Variants in TSC22D1 observed in about 807,000 individuals in gnomAD.
The protein encoded by TSC22D1 is TSC22 domain family protein 1.
TSC22D1 carries 9 observed loss-of-function variants against 74.2 expected under a neutral mutation model. The observed-to-expected ratio is 0.12, with a 90% confidence interval of 0.07 to 0.21. The LOEUF (loss-of-function observed/expected upper bound fraction) is 0.21, where lower values mean the gene tolerates loss of function less well. Among genes scored for constraint, TSC22D1 ranks in the 10% least tolerant of loss-of-function variants. The probability of loss-of-function intolerance (pLI) is 1.00; values close to 1 mark genes in which losing one functional copy is unlikely to be tolerated. For missense variants in TSC22D1, 1,427 were observed against 1,304.7 expected (o/e 1.09, Z -1.44); for synonymous variants, 586 against 492.5 (o/e 1.19, Z -2.51).
At chr13:44,540,214 G>C (rs1881384194) in intron 1 of TSC22D1, among the ~76,000 whole-genome samples, 1 of 152,006 alleles carries the variant, frequency 6.6e-6, no homozygotes, top group Non-Finnish European at 1.5e-5. Flanking sequence ...AATTATGACT[G>C]GAAACAAGAT....
chr13:44,434,184 C>T lies in TSC22D1; in HGVS notation c.*442G>A. 1 of 1,466,842 alleles carries T rather than the reference C, an allele frequency of 6.8e-7. No individual in the cohort carries two copies. Among genetic ancestry groups the T allele is most frequent in the Non-Finnish European group, 8.9e-7 (1 of 1,123,626 alleles). The allele number at this position is 1,466,842 out of a possible 1,614,324, so 90.9% of individuals were successfully genotyped here. A position where few individuals can be genotyped will look rare whatever the true frequency, so the allele number is the denominator to read the frequency against. ...CATTTTAGTCTTTTTACCCTCCTTT[C>T]AAGTTCCTCCTGGGGGGAGGAGAGG... is the stretch of plus-strand genomic sequence containing the variant. On this transcript the variant is annotated 3_prime_UTR_variant, in exon 3 of 3. Transcript: ENST00000458659.
At chr13:44,434,986 T>A in intron 2 of TSC22D1, 103 bp from the exon 3 acceptor site, 1 of 1,005,334 alleles carries the variant, frequency 9.9e-7, no homozygotes, top group South Asian at 1.6e-5. Flanking sequence ...ACTATTTACA[T>A]ATTCCACCTT....
intron 1 of TSC22D1, among the ~76,000 whole-genome samples, chr13:44,572,092 C>A (rs1883808779): frequency 6.6e-6 from 1 of 152,126 alleles, no homozygotes; most frequent in African/African-American, 2.4e-5. Context: ...AAATATCTTG[C>A]ACGCTTACTC....
chr13:44,536,892 G>C lies in TSC22D1; in HGVS notation c.2912+36271C>G, dbSNP rs201302901. 6 of 454,514 alleles carry C rather than the reference G, an allele frequency of 1.3e-5. No homozygotes were observed. The East Asian group carries it at 1.7e-3, about 126-fold the overall frequency. The allele number at this position is 454,514 out of a possible 1,614,324, so 28.2% of individuals were successfully genotyped here. On this transcript the variant is annotated intron_variant, in intron 1 of 2. Coordinates refer to ENST00000458659, the MANE Select transcript of TSC22D1 (RefSeq NM_183422.4). ...TACATTCACTGGTGACCCCCACGAA[G>C]AATCACCTTAACAGTTCAAAAAAGT...
At position 44,544,146 on chromosome 13, in the gene TSC22D1, G is replaced by A. The variant is rs541603624; in HGVS notation, c.2912+29017C>T. ...CATGTATCCATCTCTTTTTGGGGTC[G>A]TCAACTTCTAAGGATTAATTTTTTA... On this transcript the variant is annotated intron_variant, in intron 1 of 2. Coordinates refer to ENST00000458659, the MANE Select transcript of TSC22D1 (RefSeq NM_183422.4). Among the ~76,000 whole-genome samples the A allele has an allele frequency of 3.9e-5, 6 of 152,054 alleles. No homozygotes were observed. In the South Asian group the frequency reaches 6.2e-4, roughly 16 times the overall value.
intron 1 of TSC22D1, among the ~76,000 whole-genome samples, chr13:44,548,254 T>C (rs920818083): frequency 3.9e-5 from 6 of 152,208 alleles, no homozygotes; most frequent in East Asian, 1.9e-4. Flanking sequence ...CGGTGGCGCA[T>C]GCCTGTAATC....
intron 1 of TSC22D1, among the ~76,000 whole-genome samples, chr13:44,450,547 CAGAG>C (rs1382534092): frequency 2.6e-5 from 4 of 152,070 alleles, no homozygotes; most frequent in African/African-American, 9.7e-5. Flanking sequence ...AAAGGGGAGA[CAGAG>C]AGAAAAGTGG....
intron 1 of TSC22D1, among the ~76,000 whole-genome samples, chr13:44,572,069 T>C (rs796976517): frequency 6.6e-6 from 1 of 152,308 alleles, no homozygotes; most frequent in African/African-American, 2.4e-5. Context: ...CTCCAACTAA[T>C]ACTAAAATAA....
chr13:44,500,387 T>C (rs1158327224), intron 1 of TSC22D1, among the ~76,000 whole-genome samples: 3 of 152,218 alleles, frequency 2.0e-5, no homozygotes, highest in Admixed American at 2.0e-4. Flanking sequence ...GAGCCAGACA[T>C]AAAATTATTT....
Position 44,573,806 on chromosome 13 carries a change from C to T in TSC22D1, c.2269G>A (p.Gly757Ser), listed in dbSNP as rs753024840. The change falls in exon 1 of 3, where the codon GGT becomes AGT. Residue 757 changes from glycine to serine, a missense_variant. Physicochemically the swap from Gly to Ser is moderately conservative, Grantham distance 56. Coordinates refer to ENST00000458659, the MANE Select transcript of TSC22D1 (RefSeq NM_183422.4). ...TQVPPSVIQQ[G>S]APPSSQVVPP... is the part of the protein sequence containing the mutation. ...ACCACTTGCGAAGATGGAGGAGCACCCTGCTGAATAACTGAAGGTGGAACC... is the reference window on the plus strand; with the variant it reads ...ACCACTTGCGAAGATGGAGGAGCACTCTGCTGAATAACTGAAGGTGGAACC... 1.2e-6 allele frequency: 2 copies of T among 1,614,092 alleles called. No homozygotes were observed. The highest frequency in any genetic ancestry group is 1.3e-5 in the African/African-American group (1 of 74,946).
intron 1 of TSC22D1, among the ~76,000 whole-genome samples, chr13:44,534,370 A>C (rs528242797): frequency 2.9e-4 from 43 of 150,448 alleles, no homozygotes; most frequent in African/African-American, 1.0e-3. Context: ...TTAAAAAAAA[A>C]AAAAAAAAAA....
At chr13:44,554,573 T>C (rs2138167137) in intron 1 of TSC22D1, among the ~76,000 whole-genome samples, 1 of 143,048 alleles carries the variant, frequency 7.0e-6, no homozygotes, top group African/African-American at 2.6e-5. Context: ...GTAACAAGCA[T>C]TCAATAAATA....
chr13:44,546,899 T>C (rs999234361), intron 1 of TSC22D1, among the ~76,000 whole-genome samples: 1 of 151,974 alleles, frequency 6.6e-6, no homozygotes, highest in Non-Finnish European at 1.5e-5. Flanking sequence ...GCCTCACTAG[T>C]ACCTGGGACT....
chr13:44,552,340 A>G (rs1302271485), intron 1 of TSC22D1, among the ~76,000 whole-genome samples: 1 of 152,224 alleles, frequency 6.6e-6, no homozygotes, highest in Non-Finnish European at 1.5e-5. Flanking sequence ...TCAAGGGTTA[A>G]CTCTCCAACA....
chr13:44,518,151 C>T (rs760968346), intron 1 of TSC22D1, among the ~76,000 whole-genome samples: 13 of 151,308 alleles, frequency 8.6e-5, no homozygotes, highest in Non-Finnish European at 1.6e-4. Flanking sequence ...CACCCCTAGC[C>T]CCTTATTTTC....
At chr13:44,566,037 C>T (rs1159066086) in intron 1 of TSC22D1, among the ~76,000 whole-genome samples, 1 of 152,140 alleles carries the variant, frequency 6.6e-6, no homozygotes, top group Non-Finnish European at 1.5e-5. Flanking sequence ...GCATTCCAGG[C>T]ACACCACTGT....
chr13:44,486,579 T>C (rs988239722), intron 1 of TSC22D1, among the ~76,000 whole-genome samples: 4 of 152,220 alleles, frequency 2.6e-5, no homozygotes, highest in African/African-American at 4.8e-5. Context: ...ACTAAAGATC[T>C]AATTAAAGCA....
intron 1 of TSC22D1, among the ~76,000 whole-genome samples, chr13:44,487,783 G>A (rs192868820): frequency 3.1e-4 from 47 of 152,130 alleles, no homozygotes; most frequent in Non-Finnish European, 5.4e-4. Flanking sequence ...TTGGCTAGTC[G>A]CATTAGCTCA....
intron 1 of TSC22D1, among the ~76,000 whole-genome samples, chr13:44,447,428 T>G (rs1217322283): frequency 2.6e-5 from 4 of 152,222 alleles, no homozygotes; most frequent in Admixed American, 1.3e-4. Context: ...GTTCTATCAT[T>G]ATATAAAATG....
Sources: allele counts gnomAD v4.1 joint callset (sites outside exome capture counted in the v4.1 genomes callset), GRCh38; gene constraint gnomAD v4.1.1; transcripts MANE v1.5; gene names NCBI Gene and HGNC (gene_info 2026-07-23, HGNC 2026-07-21).